The following ALDH3A1 variants were observed in gnomAD, a reference collection of about 807,000 sequenced individuals.
ALDH3A1 encodes the protein aldehyde dehydrogenase 3 family member A1, also known as aldehyde dehydrogenase, dimeric NADP-preferring.
A neutral mutation model predicts 49.9 loss-of-function variants in ALDH3A1; 46 were observed. That is an observed-to-expected ratio of 0.92 (90% CI 0.73 to 1.18). The LOEUF (loss-of-function observed/expected upper bound fraction) is 1.18. Among genes scored for constraint, ALDH3A1 ranks in the 50% most tolerant of loss-of-function variants. The probability of loss-of-function intolerance (pLI) is 0.00; values close to 1 mark genes in which losing one functional copy is unlikely to be tolerated. For synonymous variants in ALDH3A1, 269 were observed against 253.3 expected (o/e 1.06, Z -0.59); for missense variants, 592 against 611.8 (o/e 0.97, Z 0.34).
intron 5 of ALDH3A1, 30 bp from the exon 6 acceptor site, chr17:19,741,240 A>C: frequency 6.3e-7 from 1 of 1,595,496 alleles, no homozygotes; most frequent in Non-Finnish European, 8.6e-7. Context: ...GACTAAATCC[A>C]AAAGGTTCCC....
At chr17:19,744,908 C>CT (rs1354153810) in intron 2 of ALDH3A1, 60 bp downstream of exon 2, 12 of 908,420 alleles carry the variant, frequency 1.3e-5, no homozygotes, top group Non-Finnish European at 5.8e-6. Context: ...CCAGCCCCTC[C>CT]CCCCACGCCC....
At chr17:19,744,872 C>T (rs1454076332) in intron 2 of ALDH3A1, 96 bp downstream of exon 2, 3 of 1,410,284 alleles carry the variant, frequency 2.1e-6, no homozygotes, top group Non-Finnish European at 2.8e-6. Context: ...CAAGTCCTTC[C>T]TGAACCTCTC....
chr17:19,744,928 G>T (rs2086572455), intron 2 of ALDH3A1, 40 bp downstream of exon 2: 1 of 858,034 alleles, frequency 1.2e-6, no homozygotes, highest in Non-Finnish European at 1.5e-6. Context: ...CCATCGCATG[G>T]CCCCGACACT....
intron 1 of ALDH3A1, among the ~76,000 whole-genome samples, chr17:19,746,352 C>G (rs534184788): frequency 3.1e-4 from 47 of 152,182 alleles, no homozygotes; most frequent in African/African-American, 1.1e-3. Flanking sequence ...GAGATTGGGC[C>G]ATTGCACTCC....
rs2086539601 is a variant in ALDH3A1, at chr17:19,743,416, C to T, written c.210G>A (p.Glu70=). 5 of 1,613,958 alleles carry T rather than the reference C, an allele frequency of 3.1e-6. No individual in the cohort carries two copies. In the East Asian group the frequency reaches 1.1e-4, roughly 36 times the overall value. ...GGAGCTTCTGGATCATGTACTCGAT[C>T]TCCTCTAGGACGTACACCACCTCCT... ...YYEEVVYVLE[E]IEYMIQKLPE... is the part of the protein sequence containing the mutation. Residue 70 remains glutamate, a synonymous_variant, in exon 3 of 11, where the codon GAG becomes GAA. Coordinates refer to ENST00000225740, the MANE Select transcript of ALDH3A1 (RefSeq NM_000691.5). This position sits in a 1 kb window ranked among gnomAD's most constrained non-coding sequence, Gnocchi z 4.4.
Position 19,744,972 on chromosome 17 carries a change from T to G in ALDH3A1, c.158A>C (p.His53Pro). ...ELVGALAADL[H>P]KNEWNAYYEE... Reference sequence around the variant, plus strand: ...GCGGCCGCCCAGCCTGAGCACCTTGTGCAGGTCTGCGGCCAGCGCGCCCAC... The same window carrying G: ...GCGGCCGCCCAGCCTGAGCACCTTGGGCAGGTCTGCGGCCAGCGCGCCCAC... The change falls in exon 2 of 11, where the codon CAC (histidine) becomes CCC (proline). Residue 53 changes from histidine to proline, a missense_variant. Coordinates refer to ENST00000225740, the MANE Select transcript of ALDH3A1 (RefSeq NM_000691.5). The G allele has an allele frequency of 1.4e-6, 2 of 1,435,048 alleles. No individual in the cohort carries two copies. The highest frequency in any genetic ancestry group is 1.8e-6 in the Non-Finnish European group (2 of 1,085,956). 88.9% of individuals were successfully genotyped at this position (1,435,048 alleles called of 1,614,324 possible).
chr17:19,742,936 G>A, intron 3 of ALDH3A1: 1 of 1,525,194 alleles, frequency 6.6e-7, no homozygotes, highest in Non-Finnish European at 8.8e-7. Context: ...AACAGCGCTG[G>A]CCCATTCTAG....
rs772975076 is a variant in ALDH3A1 at position 19,738,341 on chromosome 17, G to T, written c.1329C>A (p.Tyr443Ter). The T allele has an allele frequency of 5.0e-6, 8 of 1,613,322 alleles. No individual in the cohort carries two copies. The African/African-American group carries it at 6.7e-5, about 13-fold the overall frequency. ...LMNDEGLKVR[Y>*]PPSPAKMTQH ...CTCTCACCTTGGCCGGGCTCGGGGGGTATCTGACCTTCAGGCCTTCATCAT... is the reference window on the plus strand; with the variant it reads ...CTCTCACCTTGGCCGGGCTCGGGGGTTATCTGACCTTCAGGCCTTCATCAT... The change falls in exon 10 of 11, where the codon TAC becomes TAA. Residue 443 changes from tyrosine (Y) to a stop codon, truncating the protein, a stop_gained. Coordinates refer to ENST00000225740, the MANE Select transcript of ALDH3A1 (RefSeq NM_000691.5). LOFTEE classifies it high-confidence loss of function.
Position 19,741,800 on chromosome 17 carries a change from C to T in ALDH3A1, c.689+204G>A, listed in dbSNP as rs1478081364. ...AGCTCAGCCTAGACCTCTCCCCCTC[C>T]AGGAAGCCTTCTGGGACTCCCCACA... On this transcript the variant is annotated intron_variant, in intron 5 of 10. Transcript: ENST00000225740. Among the ~76,000 whole-genome samples, 4 of 152,160 alleles carry T rather than the reference C, an allele frequency of 2.6e-5. No homozygotes were observed. In the East Asian group the frequency reaches 7.7e-4, roughly 29 times the overall value.
chr17:19,738,551 A>G (rs1395897215), intron 9 of ALDH3A1, 98 bp from the exon 10 acceptor site: 28 of 1,508,704 alleles, frequency 1.9e-5, no homozygotes, highest in Non-Finnish European at 2.5e-5. Flanking sequence ...AACCACAGGG[A>G]CAGGGAGGCA....
chr17:19,745,400 G>C, intron 1 of ALDH3A1: 1 of 459,350 alleles, frequency 2.2e-6, no homozygotes, highest in Non-Finnish European at 3.8e-6. Context: ...TCTTGGCAGC[G>C]TGCTCGCGGC....
At chr17:19,738,611 G>C (rs1250078186) in intron 9 of ALDH3A1, 158 bp from the exon 10 acceptor site, 3 of 1,129,184 alleles carry the variant, frequency 2.7e-6, no homozygotes, top group Non-Finnish European at 3.7e-6. Context: ...ATGGCCCTCA[G>C]CACCCAGCCC....
Position 19,743,805 on chromosome 17 carries a change from G to A in ALDH3A1, c.163-342C>T, listed in dbSNP as rs1421527075. On this transcript the variant is annotated intron_variant, in intron 2 of 10. Coordinates refer to ENST00000225740, the MANE Select transcript of ALDH3A1 (RefSeq NM_000691.5). This position sits in a 1 kb window ranked among gnomAD's most constrained non-coding sequence, Gnocchi z 4.4. Reference sequence around the variant, plus strand: ...ATTCAGGCAGTGGGAATGGATCCGGGGAGGGGGGGATGGATCCGGGGAGGG... The same window carrying A: ...ATTCAGGCAGTGGGAATGGATCCGGAGAGGGGGGGATGGATCCGGGGAGGG... 1.0e-6 allele frequency: 1 copy of A among 973,994 alleles called. No homozygotes were observed. Among genetic ancestry groups the A allele is most frequent in the African/African-American group, 1.8e-5 (1 of 56,714 alleles). 60.3% of individuals were successfully genotyped at this position (973,994 alleles called of 1,614,324 possible).
intron 2 of ALDH3A1, 73 bp downstream of exon 2, chr17:19,744,895 T>TCGCCCC: frequency 2.2e-6 from 2 of 924,176 alleles, no homozygotes; most frequent in Non-Finnish European, 2.8e-6. Flanking sequence ...GGTCGCACTC[T>TCGCCCC]CCCCAGCCCC....
At chr17:19,739,701 G>T in intron 7 of ALDH3A1, 27 bp from the exon 8 acceptor site, 1 of 1,611,708 alleles carries the variant, frequency 6.2e-7, no homozygotes, top group South Asian at 1.1e-5. Context: ...GCCAGAGTTG[G>T]ACGGCGCAGA....
intron 7 of ALDH3A1, 82 bp downstream of exon 7, chr17:19,740,254 G>T: frequency 6.4e-7 from 1 of 1,567,040 alleles, no homozygotes; most frequent in South Asian, 1.1e-5. Context: ...CGCTTATCAA[G>T]CATCTGTGCC....
rs148827495 is a variant in ALDH3A1 at position 19,738,899 on chromosome 17, G to A, written c.1216+97C>T. On this transcript the variant is annotated intron_variant, in intron 9 of 10. Coordinates refer to ENST00000225740, the MANE Select transcript of ALDH3A1 (RefSeq NM_000691.5). ...TGGAAGAGGCTAATGGGAGGCTGCCGCCCGGGCTGCAGGAGGTGGTCCCTC... is the reference window on the plus strand; with the variant it reads ...TGGAAGAGGCTAATGGGAGGCTGCCACCCGGGCTGCAGGAGGTGGTCCCTC... The A allele has an allele frequency of 5.6e-4, 615 of 1,099,470 alleles. 1 individual carries two copies. The African/African-American group carries it at 8.6e-3, about 15-fold the overall frequency. The allele number at this position is 1,099,470 out of a possible 1,614,324, so 68.1% of individuals were successfully genotyped here.
At chr17:19,738,875 G>A (rs149753259) in intron 9 of ALDH3A1, 121 bp downstream of exon 9, 2 of 818,516 alleles carry the variant, frequency 2.4e-6, no homozygotes, top group African/African-American at 3.4e-5. Flanking sequence ...AGGTCCAAAT[G>A]GAAGAGGCTA....
At chr17:19,745,373 G>A (rs1273681418) in intron 1 of ALDH3A1, 3 of 490,096 alleles carry the variant, frequency 6.1e-6, no homozygotes, top group Admixed American at 3.9e-5. Flanking sequence ...GTCCTAAGCC[G>A]AACTGCTGCT....
Sources: allele counts gnomAD v4.1 joint callset (sites outside exome capture counted in the v4.1 genomes callset), GRCh38; gene constraint gnomAD v4.1.1; non-coding constraint Gnocchi (gnomAD v3.1); transcripts MANE v1.5; gene names NCBI Gene and HGNC (gene_info 2026-07-23, HGNC 2026-07-21).